Variants in SUCLG2 observed in about 807,000 individuals in gnomAD.
The protein encoded by SUCLG2 is succinate-CoA ligase GDP-forming subunit beta.
SUCLG2 carries 42 observed loss-of-function variants against 47.9 expected under a neutral mutation model. The ratio of observed to expected loss-of-function variants is 0.88; its 90% CI spans 0.69 to 1.14. The LOEUF (loss-of-function observed/expected upper bound fraction) is 1.14, where lower values mean the gene tolerates loss of function less well. Among genes scored for constraint, SUCLG2 ranks in the 50% most tolerant of loss-of-function variants. The pLI, the probability that SUCLG2 is intolerant of heterozygous loss-of-function variation, is 0.00. For missense variants in SUCLG2, 571 were observed against 525.9 expected (o/e 1.09, Z -0.84); for synonymous variants, 195 against 197.3 (o/e 0.99, Z 0.10).
At chr3:67,511,323 C>A (rs1414954416) in intron 6 of SUCLG2, among the ~76,000 whole-genome samples, 1 of 152,192 alleles carries the variant, frequency 6.6e-6, no homozygotes, top group East Asian at 1.9e-4. Context: ...GGGTATCTCA[C>A]TGGTATGGTT....
chr3:67,495,976 T>C, intron 8 of SUCLG2, 36 bp from the exon 9 acceptor site: 1 of 1,612,778 alleles, frequency 6.2e-7, no homozygotes, highest in Non-Finnish European at 8.5e-7. Flanking sequence ...ACAGGCTACA[T>C]TTAGCAACAT....
At chr3:67,509,356 C>T (rs1705724919) in intron 6 of SUCLG2, among the ~76,000 whole-genome samples, 1 of 152,144 alleles carries the variant, frequency 6.6e-6, no homozygotes, top group African/African-American at 2.4e-5. Flanking sequence ...TGTGAAACAA[C>T]AATTACTGAG....
chr3:67,506,781 C>T (rs1443445131), intron 7 of SUCLG2, among the ~76,000 whole-genome samples: 1 of 152,216 alleles, frequency 6.6e-6, no homozygotes, highest in Non-Finnish European at 1.5e-5. Context: ...CCTTCTCCTT[C>T]ATTTCTTGGA....
At chr3:67,580,354 C>T (rs991537345) in intron 2 of SUCLG2, among the ~76,000 whole-genome samples, 1 of 152,186 alleles carries the variant, frequency 6.6e-6, no homozygotes, top group Admixed American at 6.5e-5. Flanking sequence ...ACACCACAAA[C>T]TGACAAAAGT....
chr3:67,427,364 C>T (rs1294919901), intron 9 of SUCLG2, among the ~76,000 whole-genome samples: 1 of 152,136 alleles, frequency 6.6e-6, no homozygotes. Flanking sequence ...GACACAAATG[C>T]TTGGTTTCAG....
chr3:67,571,370 A>G (rs1166198691), intron 2 of SUCLG2, among the ~76,000 whole-genome samples: 1 of 152,186 alleles, frequency 6.6e-6, no homozygotes, highest in East Asian at 1.9e-4. Context: ...CAGGTTTAAG[A>G]AACCCTGCAT....
At chr3:67,522,414 A>G (rs1706132657) in intron 4 of SUCLG2, among the ~76,000 whole-genome samples, 1 of 151,974 alleles carries the variant, frequency 6.6e-6, no homozygotes, top group African/African-American at 2.4e-5. Context: ...TTGTACATGT[A>G]TCTTTGTTCA....
At chr3:67,543,197 A>T (rs1706763642) in intron 2 of SUCLG2, among the ~76,000 whole-genome samples, 1 of 152,200 alleles carries the variant, frequency 6.6e-6, no homozygotes, top group South Asian at 2.1e-4. Context: ...AAATTCAACA[A>T]CCTGCTCCGG....
chr3:67,530,497 CATT>C (rs578038037), intron 2 of SUCLG2, among the ~76,000 whole-genome samples: 8 of 152,312 alleles, frequency 5.3e-5, no homozygotes, highest in African/African-American at 1.4e-4. Flanking sequence ...CTGTCATCAT[CATT>C]GTTACCCACA....
At chr3:67,383,493 C>T (rs1702202007) in intron 10 of SUCLG2, among the ~76,000 whole-genome samples, 1 of 152,086 alleles carries the variant, frequency 6.6e-6, no homozygotes, top group Non-Finnish European at 1.5e-5. Context: ...TGTATTGTAT[C>T]CACACCTAAT....
rs576650475 is a variant in SUCLG2, at chr3:67,500,940, A to G, written c.758-2645T>C. Among the ~76,000 whole-genome samples, 32 of 152,340 alleles carry G rather than the reference A, an allele frequency of 2.1e-4. No individual in the cohort carries two copies. The South Asian group carries it at 3.9e-3, about 19-fold the overall frequency. On this transcript the variant is annotated intron_variant, in intron 7 of 10. Coordinates refer to ENST00000307227, the MANE Select transcript of SUCLG2 (RefSeq NM_003848.4). ...GAATAATTAATGGGTATGTATTCAA[A>G]GTTCAAAAGGCAATCCCAACTAAAT...
chr3:67,369,054 T>C (rs1701916429), intron 10 of SUCLG2, among the ~76,000 whole-genome samples: 3 of 152,170 alleles, frequency 2.0e-5, no homozygotes, highest in Non-Finnish European at 2.9e-5. Flanking sequence ...TGCATTGCAA[T>C]ATATTTAGGA....
intron 9 of SUCLG2, among the ~76,000 whole-genome samples, chr3:67,491,204 CA>C: frequency 6.9e-6 from 1 of 144,550 alleles, no homozygotes; most frequent in African/African-American, 2.6e-5. Context: ...CCTTTAGTCC[CA>C]GCTACTCAGG....
chr3:67,385,754 G>C (rs1316895671), intron 10 of SUCLG2, among the ~76,000 whole-genome samples: 1 of 152,170 alleles, frequency 6.6e-6, no homozygotes, highest in Non-Finnish European at 1.5e-5. Context: ...TTTTTCTTTG[G>C]TGATGAAGGT....
At chr3:67,606,425 T>C (rs777601385) in intron 2 of SUCLG2, among the ~76,000 whole-genome samples, 14 of 152,200 alleles carry the variant, frequency 9.2e-5, no homozygotes, top group Non-Finnish European at 1.6e-4. Flanking sequence ...AACTTAGTTA[T>C]ACCTGCAATG....
chr3:67,632,868 G>C (rs1176561131), intron 1 of SUCLG2, among the ~76,000 whole-genome samples: 1 of 152,088 alleles, frequency 6.6e-6, no homozygotes, highest in Non-Finnish European at 1.5e-5. Flanking sequence ...TGCTTTTGAG[G>C]ATACATTACA....
At chr3:67,502,734 CA>C (rs1222137975) in intron 7 of SUCLG2, among the ~76,000 whole-genome samples, 4 of 152,252 alleles carry the variant, frequency 2.6e-5, no homozygotes, top group Non-Finnish European at 5.9e-5. Flanking sequence ...CTGTTTAGAG[CA>C]AATCTAAGCA....
intron 2 of SUCLG2, among the ~76,000 whole-genome samples, chr3:67,553,391 C>CT (rs1707067652): frequency 6.6e-6 from 1 of 152,336 alleles, no homozygotes; most frequent in South Asian, 2.1e-4. Flanking sequence ...AAAACTTCAT[C>CT]TTTTTTGTAG....
At chr3:67,651,453 T>C (rs752192036) in intron 1 of SUCLG2, among the ~76,000 whole-genome samples, 3 of 152,236 alleles carry the variant, frequency 2.0e-5, no homozygotes, top group Non-Finnish European at 4.4e-5. Flanking sequence ...CGCTCAGGTC[T>C]CAGCTCATAT....
Sources: allele counts gnomAD v4.1 joint callset (sites outside exome capture counted in the v4.1 genomes callset), GRCh38; gene constraint gnomAD v4.1.1; transcripts MANE v1.5; gene names NCBI Gene and HGNC (gene_info 2026-07-23, HGNC 2026-07-21).